The following TSPAN15 variants were observed in gnomAD, a reference collection of about 807,000 sequenced individuals.
TSPAN15 encodes the protein tetraspanin 15, also known as tetraspanin-15.
A neutral mutation model predicts 34.5 loss-of-function variants in TSPAN15; 20 were observed. That is an observed-to-expected ratio of 0.58 (90% CI 0.41 to 0.84). The LOEUF (loss-of-function observed/expected upper bound fraction) is 0.84. TSPAN15 is among the 40% of genes least tolerant of loss of function. The pLI, the probability that TSPAN15 is intolerant of heterozygous loss-of-function variation, is 0.00. For synonymous variants in TSPAN15, 155 were observed against 153.9 expected (o/e 1.01, Z -0.05); for missense variants, 313 against 386.1 (o/e 0.81, Z 1.59).
chr10:69,486,393 G>T (rs765942615), intron 3 of TSPAN15, among the ~76,000 whole-genome samples: 8 of 152,126 alleles, frequency 5.3e-5, no homozygotes, highest in Non-Finnish European at 1.2e-4. Flanking sequence ...GTTGCTGCTG[G>T]GACATGCGTC....
chr10:69,523,107 A>G, the TSPAN15 span, among the ~76,000 whole-genome samples: 1 of 147,872 alleles, frequency 6.8e-6, no homozygotes, highest in African/African-American at 2.5e-5. Context: ...CAATTTTTGT[A>G]TATGGGGTAA....
intron 3 of TSPAN15, 30 bp downstream of exon 3, chr10:69,485,245 G>A (rs762126685): frequency 3.0e-5 from 49 of 1,607,772 alleles, no homozygotes; most frequent in Non-Finnish European, 4.1e-5. Flanking sequence ...TATCGGCCAT[G>A]TGTGTATGGA....
chr10:69,529,693 A>C, the TSPAN15 span, among the ~76,000 whole-genome samples: 4 of 147,230 alleles, frequency 2.7e-5, 2 homozygotes, highest in East Asian at 1.0e-3. Flanking sequence ...TTATTTTTTT[A>C]TTAGTTTACT....
At chr10:69,545,186 C>T in the TSPAN15 span, among the ~76,000 whole-genome samples, 1 of 152,148 alleles carries the variant, frequency 6.6e-6, no homozygotes, top group Non-Finnish European at 1.5e-5. Context: ...TCCCCCTTTA[C>T]CCCCGGGAGA....
chr10:69,483,435 T>TA (rs1462627678), intron 1 of TSPAN15, among the ~76,000 whole-genome samples: 2 of 152,202 alleles, frequency 1.3e-5, no homozygotes, highest in Non-Finnish European at 2.9e-5. Context: ...AGGGCCACCT[T>TA]AGTGACCTCA....
chr10:69,470,825 C>T (rs1402307191), intron 1 of TSPAN15, among the ~76,000 whole-genome samples: 2 of 152,222 alleles, frequency 1.3e-5, no homozygotes, highest in Non-Finnish European at 2.9e-5. Flanking sequence ...TCTCAGTGGC[C>T]TCAGAGTCCC....
At chr10:69,519,098 T>C in the TSPAN15 span, among the ~76,000 whole-genome samples, 2 of 152,186 alleles carry the variant, frequency 1.3e-5, no homozygotes, top group African/African-American at 2.4e-5. Flanking sequence ...AAGAACACAA[T>C]GCTGAGGAGA....
At chr10:69,517,829 G>T in the TSPAN15 span, among the ~76,000 whole-genome samples, 1 of 152,182 alleles carries the variant, frequency 6.6e-6, no homozygotes, top group African/African-American at 2.4e-5. Flanking sequence ...TGCATCCAAT[G>T]CCCTGTGGAA....
Position 69,506,970 on chromosome 10 carries a change from C to A in TSPAN15, c.877C>A (p.Pro293Thr), listed in dbSNP as rs775963879. 80 of 1,608,642 alleles carry A rather than the reference C, an allele frequency of 5.0e-5. 2 individuals are homozygous for A. The South Asian group carries it at 8.6e-4, about 17-fold the overall frequency. The change falls in exon 8 of 8, where the codon CCC becomes ACC. Residue 293 changes from proline (P) to threonine (T), a missense_variant. Transcript: ENST00000373290. The surrounding 1 kb of genome is among the most constrained non-coding windows in gnomAD (Gnocchi z 4.7). ...AAGTGCCLCY[P>T]N is the part of the protein sequence containing the mutation. ...AGGCACGGGATGCTGCTTGTGCTAC[C>A]CCAATTAGGGCCCAGCCTGCCATGG...
chr10:69,530,818 CTCTATATA>C, the TSPAN15 span, among the ~76,000 whole-genome samples: 412 of 42,474 alleles, frequency 9.7e-3, no homozygotes, highest in Non-Finnish European at 0.013. Context: ...CTCTCTCTCT[CTCTATATA>C]TATATATATA....
At chr10:69,506,000 T>C (rs954210403) in intron 6 of TSPAN15, 124 bp from the exon 7 acceptor site, 5 of 719,506 alleles carry the variant, frequency 6.9e-6, no homozygotes, top group Non-Finnish European at 1.2e-5. Context: ...ATGCTGCATA[T>C]GGGAAACTGA....
chr10:69,535,745 C>A, the TSPAN15 span, among the ~76,000 whole-genome samples: 3 of 152,220 alleles, frequency 2.0e-5, no homozygotes, highest in Non-Finnish European at 4.4e-5. Flanking sequence ...CTGACACATG[C>A]CCTTACATTC....
At chr10:69,490,938 C>T (rs1238068066) in intron 3 of TSPAN15, among the ~76,000 whole-genome samples, 4 of 152,234 alleles carry the variant, frequency 2.6e-5, no homozygotes, top group African/African-American at 9.7e-5. Context: ...TGTATCCTTC[C>T]CACTTACAGC....
At chr10:69,482,705 A>G (rs2052965) in intron 1 of TSPAN15, among the ~76,000 whole-genome samples, 60,046 of 152,018 alleles carry the variant, frequency 0.39, 12,642 homozygotes, top group Non-Finnish European at 0.47. Context: ...ACAGACTCAC[A>G]TGGTCAAATG....
chr10:69,519,919 A>G, the TSPAN15 span, among the ~76,000 whole-genome samples: 1 of 152,018 alleles, frequency 6.6e-6, no homozygotes, highest in Non-Finnish European at 1.5e-5. Flanking sequence ...TTTAGTAGAG[A>G]TGGGGTTTCT....
chr10:69,500,364 C>T (rs1352317229), intron 5 of TSPAN15, among the ~76,000 whole-genome samples: 1 of 152,172 alleles, frequency 6.6e-6, no homozygotes, highest in Non-Finnish European at 1.5e-5. Flanking sequence ...GTGGTCCACC[C>T]AAGAAGGGAC....
intron 1 of TSPAN15, among the ~76,000 whole-genome samples, chr10:69,474,713 C>T (rs557186636): frequency 1.8e-4 from 27 of 152,216 alleles, no homozygotes; most frequent in Admixed American, 1.2e-3. Context: ...CACTCCAGCC[C>T]ACCCCACCCA....
chr10:69,485,310 A>G (rs554408529), intron 3 of TSPAN15, 95 bp downstream of exon 3: 1 of 1,004,122 alleles, frequency 1.0e-6, no homozygotes, highest in Non-Finnish European at 1.6e-6. Flanking sequence ...AGCAGGGCAG[A>G]TAACCCCCAT....
the TSPAN15 span, among the ~76,000 whole-genome samples, chr10:69,533,808 G>T: frequency 6.6e-6 from 1 of 152,214 alleles, no homozygotes; most frequent in Non-Finnish European, 1.5e-5. Context: ...CAGTCTTTGC[G>T]TACTGAGTGC....
Sources: gnomAD v4.1 joint callset for allele counts (sites outside exome capture counted in the v4.1 genomes callset) on GRCh38, gnomAD v4.1.1 for gene constraint, Gnocchi (gnomAD v3.1) non-coding constraint, MANE v1.5 for transcripts, NCBI Gene and HGNC (gene_info 2026-07-23, HGNC 2026-07-21) for gene names.